EVI5: variants seen among roughly 807,000 people sequenced by gnomAD.
EVI5 encodes the protein ecotropic viral integration site 5 protein homolog.
A neutral mutation model predicts 112.0 loss-of-function variants in EVI5; 73 were observed. The ratio of observed to expected loss-of-function variants is 0.65; its 90% CI spans 0.54 to 0.79. The LOEUF is 0.79. Ranked by LOEUF, EVI5 falls within the 30% of genes least tolerant of loss-of-function variation. The pLI, the probability that EVI5 is intolerant of heterozygous loss-of-function variation, is 0.00. For synonymous variants in EVI5, 305 were observed against 319.9 expected, an observed-to-expected ratio of 0.95 and a Z score of 0.50; for missense variants, 900 against 968.8, an observed-to-expected ratio of 0.93 and a Z score of 0.94.
intron 13 of EVI5, among the ~76,000 whole-genome samples, chr1:92,648,190 C>CAAAAAAAAA (rs961901260): frequency 1.5e-3 from 36 of 24,050 alleles, no homozygotes; most frequent in Non-Finnish European, 1.8e-3. Flanking sequence ...ACTAAAAATA[C>CAAAAAAAAA]AAAAAAAAAA....
chr1:92,601,033 G>A (rs1217786001), intron 18 of EVI5, among the ~76,000 whole-genome samples: 2 of 152,160 alleles, frequency 1.3e-5, no homozygotes, highest in Non-Finnish European at 2.9e-5. Context: ...GTTAGGGGAG[G>A]TGAGAATGCA....
At chr1:92,576,697 G>A (rs959346736) in intron 18 of EVI5, among the ~76,000 whole-genome samples, 4 of 152,156 alleles carry the variant, frequency 2.6e-5, no homozygotes, top group African/African-American at 9.7e-5. Context: ...TAAGACATCT[G>A]ACAGACTGCT....
At chr1:92,732,920 T>C (rs1304716628) in intron 2 of EVI5, among the ~76,000 whole-genome samples, 1 of 65,822 alleles carries the variant, frequency 1.5e-5, no homozygotes, top group African/African-American at 4.9e-5. Context: ...AAAAAAAAAA[T>C]TACACTAACA....
chr1:92,662,541 T>C (rs996714626), intron 13 of EVI5, among the ~76,000 whole-genome samples, 178 bp downstream of exon 13: 9 of 151,244 alleles, frequency 6.0e-5, no homozygotes, highest in African/African-American at 2.2e-4. Flanking sequence ...AGAACAGGAG[T>C]CCTTAGGCCA....
intron 13 of EVI5, among the ~76,000 whole-genome samples, chr1:92,657,646 G>C (rs1258162282): frequency 6.6e-6 from 1 of 152,036 alleles, no homozygotes; most frequent in African/African-American, 2.4e-5. Flanking sequence ...CTAGGTGACA[G>C]AGCAAGATCC....
intron 1 of EVI5, chr1:92,774,031 CA>C (rs11286636): frequency 0.9 from 118,275 of 131,770 alleles, 52,788 homozygotes; most frequent in East Asian, 0.95. Context: ...ACCCTGTCTC[CA>C]AAAAAAAAAA....
chr1:92,562,517 G>A (rs1474922200), intron 19 of EVI5, among the ~76,000 whole-genome samples: 2 of 151,930 alleles, frequency 1.3e-5, no homozygotes, highest in Non-Finnish European at 2.9e-5. Context: ...CCGACAGAGC[G>A]AGACTCCGTC....
At chr1:92,561,608 C>CCCATCTAT (rs376004633) in intron 19 of EVI5, among the ~76,000 whole-genome samples, 26 of 132,248 alleles carry the variant, frequency 2.0e-4, no homozygotes, top group Non-Finnish European at 2.7e-4. Flanking sequence ...TCTAATCTAT[C>CCCATCTAT]CTATCTATCT....
intron 2 of EVI5, among the ~76,000 whole-genome samples, chr1:92,705,452 T>C (rs1671813123): frequency 6.6e-6 from 1 of 152,190 alleles, no homozygotes; most frequent in African/African-American, 2.4e-5. Flanking sequence ...TTCCTTCAAA[T>C]GCAGAAGGAC....
chr1:92,631,752 T>C (rs1657162405), intron 14 of EVI5, among the ~76,000 whole-genome samples: 1 of 152,214 alleles, frequency 6.6e-6, no homozygotes, highest in South Asian at 2.1e-4. Context: ...CATCCCTGTC[T>C]TGTGCCCGTT....
chr1:92,633,750 T>C (rs1298603025), intron 14 of EVI5, among the ~76,000 whole-genome samples: 1 of 152,230 alleles, frequency 6.6e-6, no homozygotes, highest in African/African-American at 2.4e-5. Context: ...TTTTGCTCGT[T>C]AGTGGAAGCA....
chr1:92,562,399 G>C (rs971927318), intron 19 of EVI5, among the ~76,000 whole-genome samples: 1 of 152,024 alleles, frequency 6.6e-6, no homozygotes, highest in African/African-American at 2.4e-5. Flanking sequence ...GCCTGGTGGC[G>C]GGCGCCTGTA....
In EVI5 at chr1:92,636,432, A is replaced by G. The variant is rs115274534; in HGVS notation, c.1393-96T>C. 1.2e-4 allele frequency: 117 copies of G among 977,870 alleles called. No individual in the cohort carries two copies. In the African/African-American group the frequency reaches 1.7e-3, roughly 14 times the overall value. 60.6% of individuals were successfully genotyped at this position (977,870 alleles called of 1,614,324 possible). A position where few individuals can be genotyped will look rare whatever the true frequency, so the allele number is the denominator to read the frequency against. ...CCACATAATACAGTTATATTACATT[A>G]AGGGCAACTAAATAGGAGAAGTTCC... On this transcript the variant is annotated intron_variant, in intron 13 of 19. Transcript: ENST00000684568.
intron 9 of EVI5, among the ~76,000 whole-genome samples, chr1:92,692,177 T>C (rs955614738): frequency 6.6e-6 from 1 of 152,050 alleles, no homozygotes; most frequent in Non-Finnish European, 1.5e-5. Context: ...GTGAAAGAAA[T>C]AGAGGGCCAG....
intron 19 of EVI5, among the ~76,000 whole-genome samples, chr1:92,547,439 C>CT (rs1378936575): frequency 6.6e-6 from 1 of 152,142 alleles, no homozygotes; most frequent in Non-Finnish European, 1.5e-5. Context: ...ATTAAAAGAA[C>CT]TAGAGAAGCA....
intron 14 of EVI5, among the ~76,000 whole-genome samples, chr1:92,634,940 T>C (rs1658414611): frequency 6.6e-6 from 1 of 152,196 alleles, no homozygotes; most frequent in Non-Finnish European, 1.5e-5. Context: ...TTGCTGGAGG[T>C]CCACTCCAGA....
chr1:92,561,972 G>A (rs773756659), intron 19 of EVI5, among the ~76,000 whole-genome samples: 2 of 152,238 alleles, frequency 1.3e-5, no homozygotes, highest in East Asian at 3.9e-4. Flanking sequence ...ATATGACAGG[G>A]AAAGTTAATG....
At chr1:92,745,013 C>T (rs536267380) in intron 1 of EVI5, among the ~76,000 whole-genome samples, 1 of 152,004 alleles carries the variant, frequency 6.6e-6, no homozygotes, top group Admixed American at 6.5e-5. Context: ...TTGTTGCAGT[C>T]TCAACCTCCC....
chr1:92,737,621 C>CA (rs5776154), intron 1 of EVI5, among the ~76,000 whole-genome samples: 86,908 of 150,954 alleles, frequency 0.58, 26,704 homozygotes, highest in East Asian at 0.91. Flanking sequence ...TGTACACACA[C>CA]AAAAAAAAAT....
Sources: allele counts gnomAD v4.1 joint callset (sites outside exome capture counted in the v4.1 genomes callset), GRCh38; gene constraint gnomAD v4.1.1; transcripts MANE v1.5; gene names NCBI Gene and HGNC (gene_info 2026-07-23, HGNC 2026-07-21).